CCDC122: variants seen among roughly 807,000 people sequenced by gnomAD.
CCDC122 encodes the protein coiled-coil domain containing 122, also known as coiled-coil domain-containing protein 122.
CCDC122 carries 38 observed loss-of-function variants against 37.0 expected under a neutral mutation model. That is an observed-to-expected ratio of 1.03 (90% CI 0.79 to 1.35). CCDC122 has a LOEUF of 1.35. CCDC122 is among the 40% of genes most tolerant of loss of function. The pLI, the probability that CCDC122 is intolerant of heterozygous loss-of-function variation, is 0.00. For synonymous variants in CCDC122, 83 were observed against 95.6 expected (o/e 0.87, Z 0.77); for missense variants, 305 against 310.0 (o/e 0.98, Z 0.12).
downstream of CCDC122, among the ~76,000 whole-genome samples, chr13:43,820,322 A>G (rs1343340336): frequency 6.6e-6 from 1 of 152,112 alleles, no homozygotes; most frequent in Non-Finnish European, 1.5e-5. Flanking sequence ...ACTATTTCCT[A>G]ATTTAAAAAA....
Position 43,868,730 on chromosome 13 carries a change from C to G in CCDC122, c.120G>C (p.Glu40Asp), listed in dbSNP as rs1288786079. 2 of 1,561,924 alleles carry G rather than the reference C, an allele frequency of 1.3e-6. No homozygotes were observed. Among genetic ancestry groups the G allele is most frequent in the Non-Finnish European group, 1.7e-6 (2 of 1,154,102 alleles). Reference sequence around the variant, plus strand: ...ACAGAACCTTTTTGTTTTTTTCTATCTCTGATGCTTGTGATTGTTGTTGCT... The same window carrying G: ...ACAGAACCTTTTTGTTTTTTTCTATGTCTGATGCTTGTGATTGTTGTTGCT... The part of the protein sequence containing the change: ...VAKQQQSQAS[E>D]IEKNKKVLFN... Residue 40 changes from glutamate (E) to aspartate (D), a missense_variant, in exon 4 of 7, where the codon GAG (glutamate) becomes GAC (aspartate). Glu to Asp is a conservative substitution (Grantham distance 45). Transcript: ENST00000444614.
At chr13:43,860,880 T>G (rs1365000073) in intron 4 of CCDC122, among the ~76,000 whole-genome samples, 1 of 152,214 alleles carries the variant, frequency 6.6e-6, no homozygotes, top group Non-Finnish European at 1.5e-5. Flanking sequence ...TATCCAAAAA[T>G]TGAATGAATC....
At chr13:43,846,482 TAGTC>T (rs762507571) in intron 6 of CCDC122, among the ~76,000 whole-genome samples, 1 of 152,254 alleles carries the variant, frequency 6.6e-6, no homozygotes, top group Admixed American at 6.5e-5. Context: ...TTTCTTCTAA[TAGTC>T]AGTTAAATTA....
chr13:43,875,856 A>G (rs1954594173), intron 1 of CCDC122, among the ~76,000 whole-genome samples: 2 of 152,314 alleles, frequency 1.3e-5, no homozygotes, highest in African/African-American at 4.8e-5. Context: ...CAACTTTGCT[A>G]AAATGCAGGA....
chr13:43,845,701 C>T (rs1310661480), intron 6 of CCDC122, among the ~76,000 whole-genome samples: 1 of 141,358 alleles, frequency 7.1e-6, no homozygotes, highest in East Asian at 2.1e-4. Context: ...AAGAGCAAGA[C>T]TCCATCTCTA....
downstream of CCDC122, among the ~76,000 whole-genome samples, chr13:43,835,194 G>A (rs888331114): frequency 6.6e-6 from 1 of 152,146 alleles, no homozygotes; most frequent in Non-Finnish European, 1.5e-5. Flanking sequence ...ATCATTCTCA[G>A]CAAACTATTG....
chr13:43,866,693 T>C (rs1000942265), intron 4 of CCDC122, among the ~76,000 whole-genome samples: 1 of 152,212 alleles, frequency 6.6e-6, no homozygotes, highest in African/African-American at 2.4e-5. Context: ...TCGATGGCAT[T>C]GTAAGTAGTA....
intron 6 of CCDC122, among the ~76,000 whole-genome samples, chr13:43,844,207 C>T (rs890311344): frequency 2.4e-4 from 36 of 151,846 alleles, no homozygotes; most frequent in African/African-American, 8.0e-4. Flanking sequence ...TTAGCTTCAC[C>T]CCATAATTTT....
At chr13:43,876,175 TTTG>T (rs1419476510) in intron 1 of CCDC122, among the ~76,000 whole-genome samples, 1 of 152,180 alleles carries the variant, frequency 6.6e-6, no homozygotes, top group African/African-American at 2.4e-5. Flanking sequence ...AGAACAAGTT[TTTG>T]TTGTTTTTAG....
At chr13:43,860,504 A>G (rs1954070351) in intron 4 of CCDC122, among the ~76,000 whole-genome samples, 1 of 152,158 alleles carries the variant, frequency 6.6e-6, no homozygotes, top group Admixed American at 6.6e-5. Context: ...AACAAACTTA[A>G]TTACCCCATT....
chr13:43,870,340 C>T (rs1250069761), intron 2 of CCDC122, among the ~76,000 whole-genome samples: 1 of 152,242 alleles, frequency 6.6e-6, no homozygotes, highest in Non-Finnish European at 1.5e-5. Context: ...TCACTCCGTT[C>T]ATGTTACATC....
At chr13:43,865,310 G>A (rs1377584974) in intron 4 of CCDC122, among the ~76,000 whole-genome samples, 1 of 152,070 alleles carries the variant, frequency 6.6e-6, no homozygotes, top group Non-Finnish European at 1.5e-5. Context: ...CATGAAGCAG[G>A]GGCAGTCTTA....
intron 4 of CCDC122, among the ~76,000 whole-genome samples, chr13:43,864,101 T>G (rs1185124236): frequency 1.3e-5 from 2 of 152,228 alleles, no homozygotes; most frequent in East Asian, 1.9e-4. Flanking sequence ...CATGAAAAGA[T>G]TATCCTTCTC....
chr13:43,866,926 C>A (rs971781272), intron 4 of CCDC122, among the ~76,000 whole-genome samples: 10 of 151,840 alleles, frequency 6.6e-5, no homozygotes, highest in Admixed American at 3.9e-4. Context: ...ATTTCTTTTT[C>A]TTGCATAGCT....
intron 6 of CCDC122, among the ~76,000 whole-genome samples, chr13:43,839,683 G>C (rs1473281579): frequency 6.6e-6 from 1 of 152,144 alleles, no homozygotes; most frequent in African/African-American, 2.4e-5. Context: ...TTTTCAAAAC[G>C]ACTGTATAAT....
At chr13:43,840,801 G>A (rs992952754) in intron 6 of CCDC122, among the ~76,000 whole-genome samples, 2 of 149,718 alleles carry the variant, frequency 1.3e-5, no homozygotes, top group South Asian at 2.1e-4. Flanking sequence ...CATTTGGGTG[G>A]GTTCCAAGTC....
intron 2 of CCDC122, among the ~76,000 whole-genome samples, chr13:43,872,726 A>G (rs1422144476): frequency 6.6e-6 from 1 of 152,118 alleles, no homozygotes; most frequent in African/African-American, 2.4e-5. Flanking sequence ...ACTTCTTTGA[A>G]TGGTCCCTCA....
At chr13:43,875,187 C>T (rs2153880975) in intron 1 of CCDC122, among the ~76,000 whole-genome samples, 1 of 152,314 alleles carries the variant, frequency 6.6e-6, no homozygotes, top group South Asian at 2.1e-4. Flanking sequence ...ACCTCTGGGA[C>T]AGAAGTTATA....
intron 4 of CCDC122, among the ~76,000 whole-genome samples, chr13:43,868,471 C>T (rs907220230): frequency 6.6e-6 from 1 of 152,044 alleles, no homozygotes; most frequent in African/African-American, 2.4e-5. Flanking sequence ...GTTTTATATG[C>T]TTATCCTACA....
Sources: gnomAD v4.1 joint callset for allele counts (sites outside exome capture counted in the v4.1 genomes callset) on GRCh38, gnomAD v4.1.1 for gene constraint, MANE v1.5 for transcripts, NCBI Gene and HGNC (gene_info 2026-07-23, HGNC 2026-07-21) for gene names.